RAP1GAP: variants seen among roughly 807,000 people sequenced by gnomAD.
RAP1GAP encodes the protein RAP1 GTPase activating protein, also known as rap1 GTPase-activating protein 1.
Under a neutral mutation model 87.2 loss-of-function variants are expected in RAP1GAP, and 35 were observed. That is an observed-to-expected ratio of 0.40 (90% CI 0.31 to 0.53). The LOEUF is 0.53. RAP1GAP is among the 20% of genes least tolerant of loss of function. The probability of loss-of-function intolerance (pLI) is 0.48; values close to 1 mark genes in which losing one functional copy is unlikely to be tolerated. For synonymous variants in RAP1GAP, 375 were observed against 363.9 expected, an observed-to-expected ratio of 1.03 and a Z score of -0.35; for missense variants, 734 against 898.9, an observed-to-expected ratio of 0.82 and a Z score of 2.35.
chr1:21,623,480 T>C (rs899411789), intron 3 of RAP1GAP, among the ~76,000 whole-genome samples: 8 of 152,230 alleles, frequency 5.3e-5, no homozygotes, highest in African/African-American at 1.9e-4. Context: ...CAGACACAGC[T>C]GCTTTGGATG....
Position 21,669,186 on chromosome 1 carries a change from G to A in RAP1GAP, c.-149+68C>T, listed in dbSNP as rs997556278. 1 of 1,226,432 alleles carries A rather than the reference G, an allele frequency of 8.2e-7. No homozygotes were observed. The highest frequency in any genetic ancestry group is 1.0e-6 in the Non-Finnish European group (1 of 963,960). 76.0% of individuals were successfully genotyped at this position (1,226,432 alleles called of 1,614,324 possible). ...CCGCGCGGGGTCTTCGCTGCGAGCC[G>A]ACGGGAGTCTGGACACCTCTGTCCC... On this transcript the variant is annotated intron_variant, in intron 1 of 24. Transcript: ENST00000374765. The surrounding 1 kb of genome is among the most constrained non-coding windows in gnomAD (Gnocchi z 5.6).
At position 21,634,240 on chromosome 1, in the gene RAP1GAP, A is replaced by C. The variant is rs184626874; in HGVS notation, c.-112-7843T>G. Among the ~76,000 whole-genome samples the C allele has an allele frequency of 2.6e-3, 389 of 152,194 alleles. 2 individuals carry two copies. The highest frequency in any genetic ancestry group is 8.9e-3 in the African/African-American group (370 of 41,530). On this transcript the variant is annotated intron_variant, in intron 2 of 24. Coordinates refer to ENST00000374765, the MANE Select transcript of RAP1GAP (RefSeq NM_002885.4). This position sits in a 1 kb window ranked among gnomAD's most constrained non-coding sequence, Gnocchi z 4.1. ...GCCCCCTCTTCCCCAGCCCACTGGGAGCCTAAGCAGACAGGCACAGGCACG... is the reference window on the plus strand; with the variant it reads ...GCCCCCTCTTCCCCAGCCCACTGGGCGCCTAAGCAGACAGGCACAGGCACG...
intron 21 of RAP1GAP, among the ~76,000 whole-genome samples, chr1:21,599,243 A>G (rs1246628663): frequency 6.6e-6 from 1 of 152,184 alleles, no homozygotes; most frequent in Non-Finnish European, 1.5e-5. Flanking sequence ...GTGGTAAGAG[A>G]GGAGACTAGA....
chr1:21,651,767 G>C lies in RAP1GAP; in HGVS notation c.-148-1971C>G. On this transcript the variant is annotated intron_variant, in intron 1 of 24. Coordinates refer to ENST00000374765, the MANE Select transcript of RAP1GAP (RefSeq NM_002885.4). ...GCGCACGCGCCCCGCCCCGCGCCGCGCCACGCCCTACCCGCCGTAGGCCCC... is the reference window on the plus strand; with the variant it reads ...GCGCACGCGCCCCGCCCCGCGCCGCCCCACGCCCTACCCGCCGTAGGCCCC... The C allele has an allele frequency of 2.8e-6, 4 of 1,437,382 alleles. No individual in the cohort carries two copies. In the East Asian group the frequency reaches 8.4e-5, roughly 30 times the overall value. The allele number at this position is 1,437,382 out of a possible 1,614,324, so 89.0% of individuals were successfully genotyped here. A position where few individuals can be genotyped will look rare whatever the true frequency, so the allele number is the denominator to read the frequency against.
chr1:21,620,121 G>A (rs2085869912), intron 3 of RAP1GAP, 71 bp from the exon 4 acceptor site: 9 of 1,556,204 alleles, frequency 5.8e-6, no homozygotes, highest in African/African-American at 4.1e-5. Flanking sequence ...CACCCGCCCC[G>A]GCCCTCCGGG....
intron 1 of RAP1GAP, among the ~76,000 whole-genome samples, chr1:21,653,715 C>T (rs901331157): frequency 6.6e-6 from 1 of 151,844 alleles, no homozygotes; most frequent in African/African-American, 2.4e-5. Flanking sequence ...AGGTGGGAGG[C>T]GGTTGGGGCA....
chr1:21,611,542 C>A lies in RAP1GAP; in HGVS notation c.753G>T (p.Gly251=). Residue 251 remains glycine (G), a synonymous_variant, in exon 13 of 25, where the codon GGG becomes GGT. Transcript: ENST00000374765. ...GGAAGTTGCAGTACACAGATTCGGT[C>A]CCCGTCTGCCCGTGGGTCACGTCCA... ...GGLDVTHGQT[G]TESVYCNFRN... 1 of 1,614,184 alleles carries A rather than the reference C, an allele frequency of 6.2e-7. No individual in the cohort carries two copies. Among genetic ancestry groups the A allele is most frequent in the South Asian group, 1.1e-5 (1 of 91,084 alleles).
intron 18 of RAP1GAP, among the ~76,000 whole-genome samples, 171 bp downstream of exon 18, chr1:21,605,895 G>A (rs1570534388): frequency 1.3e-5 from 2 of 152,336 alleles, no homozygotes; most frequent in Admixed American, 1.3e-4. Context: ...CCTGGCCTGG[G>A]CACTTCACCC....
intron 3 of RAP1GAP, among the ~76,000 whole-genome samples, chr1:21,625,408 T>C (rs1472243360): frequency 6.6e-6 from 1 of 152,170 alleles, no homozygotes; most frequent in Non-Finnish European, 1.5e-5. Flanking sequence ...CTTTAGAAAC[T>C]GCAAAAAGTA....
intron 3 of RAP1GAP, among the ~76,000 whole-genome samples, chr1:21,623,494 C>T (rs545962682): frequency 1.0e-3 from 153 of 152,320 alleles, no homozygotes; most frequent in African/African-American, 1.9e-3. Context: ...TTGGATGTTG[C>T]GGGGGCAGGG....
intron 18 of RAP1GAP, among the ~76,000 whole-genome samples, chr1:21,604,832 GGGATGGATAGAGAT>G (rs2072759745): frequency 6.7e-6 from 1 of 149,950 alleles, no homozygotes; most frequent in Non-Finnish European, 1.5e-5. Context: ...TGGAGATAGA[GGGATGGATAGAGAT>G]GGATGGATGG....
intron 2 of RAP1GAP, among the ~76,000 whole-genome samples, chr1:21,629,252 G>A (rs1391997769): frequency 6.6e-6 from 1 of 152,152 alleles, no homozygotes; most frequent in Non-Finnish European, 1.5e-5. Flanking sequence ...GCTGGGTGCG[G>A]CCGTGGCTGC....
intron 11 of RAP1GAP, 105 bp from the exon 12 acceptor site, chr1:21,611,921 C>T: frequency 6.7e-7 from 1 of 1,486,956 alleles, no homozygotes; most frequent in South Asian, 1.1e-5. Context: ...CTCTGGCAGC[C>T]CCTGGGCTCC....
At chr1:21,665,440 C>A in intron 1 of RAP1GAP, 1 of 293,294 alleles carries the variant, frequency 3.4e-6, no homozygotes, top group Non-Finnish European at 7.1e-6. Flanking sequence ...CTGTCACAGT[C>A]CCTGGGATCC....
intron 6 of RAP1GAP, 128 bp from the exon 7 acceptor site, chr1:21,617,619 T>C (rs2083111085): frequency 1.8e-6 from 2 of 1,121,528 alleles, no homozygotes; most frequent in South Asian, 3.2e-5. Flanking sequence ...GGCCAGAGCC[T>C]GTGTGGGCCC....
intron 1 of RAP1GAP, chr1:21,651,714 TC>T (rs1281548668): frequency 4.2e-5 from 55 of 1,296,414 alleles, no homozygotes; most frequent in Middle Eastern, 2.1e-4. Flanking sequence ...CCGCACGGGC[TC>T]CCCCCCACGC....
rs138650450 is a variant in RAP1GAP, at chr1:21,603,421, G to A, written c.1429-508C>T. ...GGGATGCCCCAGGCCCCAGAAGCCC[G>A]CCCCCAGCTTCTCTGGAGGCAGGAA... On this transcript the variant is annotated intron_variant, in intron 18 of 24. Coordinates refer to ENST00000374765, the MANE Select transcript of RAP1GAP (RefSeq NM_002885.4). This position sits in a 1 kb window ranked among gnomAD's most constrained non-coding sequence, Gnocchi z 6.0. 1.1e-4 allele frequency: 58 copies of A among 550,586 alleles called. No homozygotes were observed. The highest frequency in any genetic ancestry group is 8.2e-4 in the African/African-American group (43 of 52,556). 34.1% of individuals were successfully genotyped at this position (550,586 alleles called of 1,614,324 possible). A position where few individuals can be genotyped will look rare whatever the true frequency, so the allele number is the denominator to read the frequency against.
At chr1:21,667,904 C>T (rs984865355) in intron 1 of RAP1GAP, among the ~76,000 whole-genome samples, 3 of 152,322 alleles carry the variant, frequency 2.0e-5, no homozygotes, top group Non-Finnish European at 4.4e-5. Context: ...AAGGAACACG[C>T]ACCCCTTACC....
chr1:21,617,560 A>C, intron 6 of RAP1GAP, 69 bp from the exon 7 acceptor site: 2 of 1,494,286 alleles, frequency 1.3e-6, no homozygotes, highest in Non-Finnish European at 1.8e-6. Context: ...CACCCTCCCA[A>C]CTCAGACCTG....
Sources: gnomAD v4.1 joint callset for allele counts (sites outside exome capture counted in the v4.1 genomes callset) on GRCh38, gnomAD v4.1.1 for gene constraint, Gnocchi (gnomAD v3.1) non-coding constraint, MANE v1.5 for transcripts, NCBI Gene and HGNC (gene_info 2026-07-23, HGNC 2026-07-21) for gene names.